Variants in IDH3A observed in about 807,000 individuals in gnomAD.
IDH3A encodes the protein isocitrate dehydrogenase (NAD(+)) 3 catalytic subunit alpha.
Under a neutral mutation model 43.3 loss-of-function variants are expected in IDH3A, and 23 were observed. The ratio of observed to expected loss-of-function variants is 0.53; its 90% CI spans 0.38 to 0.75. The LOEUF (loss-of-function observed/expected upper bound fraction) is 0.75, where lower values mean the gene tolerates loss of function less well. Ranked by LOEUF, IDH3A falls within the 30% of genes least tolerant of loss-of-function variation. IDH3A has a pLI of 0.00. For synonymous variants in IDH3A, 154 were observed against 163.5 expected, an observed-to-expected ratio of 0.94 and a Z score of 0.44; for missense variants, 329 against 474.4, an observed-to-expected ratio of 0.69 and a Z score of 2.85.
At chr15:78,152,199 C>T (rs1008425674) in intron 1 of IDH3A, among the ~76,000 whole-genome samples, 1 of 151,244 alleles carries the variant, frequency 6.6e-6, no homozygotes, top group African/African-American at 2.4e-5. Flanking sequence ...GCTGGGATTA[C>T]AGGCACCCAC....
rs1382947732 is a variant in IDH3A, at chr15:78,159,496, A to AT, written c.175-594dup. 2.6e-5 allele frequency among the ~76,000 whole-genome samples: 4 copies of AT among 152,330 alleles called. No individual in the cohort carries two copies. The East Asian group carries it at 7.7e-4, about 29-fold the overall frequency. On this transcript the variant is annotated intron_variant, in intron 3 of 10. Coordinates refer to ENST00000299518, the MANE Select transcript of IDH3A (RefSeq NM_005530.3). ...ACTATATGATGTTTCTGTGAACCAT[A>AT]TTCCTCTGCTACTTATGATATTCTA...
intron 10 of IDH3A, 152 bp downstream of exon 10, chr15:78,166,454 A>G: frequency 1.3e-6 from 1 of 788,330 alleles, no homozygotes; most frequent in Non-Finnish European, 2.2e-6. Context: ...CCCAGATTGA[A>G]CAGGGTATGT....
intron 1 of IDH3A, among the ~76,000 whole-genome samples, chr15:78,149,650 C>T (rs1262239328): frequency 6.6e-6 from 1 of 152,178 alleles, no homozygotes; most frequent in East Asian, 1.9e-4. Context: ...AGCGCAGAGG[C>T]GGGGACGGCG....
At chr15:78,163,804 A>G (rs763843143) in intron 8 of IDH3A, 24 bp downstream of exon 8, 1 of 1,490,002 alleles carries the variant, frequency 6.7e-7, no homozygotes, top group South Asian at 1.1e-5. Flanking sequence ...CAACCTATTT[A>G]TTTTAGCCTA....
chr15:78,166,874 C>T (rs184441870), intron 10 of IDH3A, among the ~76,000 whole-genome samples: 5 of 151,314 alleles, frequency 3.3e-5, no homozygotes, highest in Admixed American at 3.3e-4. Context: ...TCAAGTGATC[C>T]TCCCGCCCCA....
Position 78,171,174 on chromosome 15 carries a change from C to T in IDH3A, c.*2169C>T, listed in dbSNP as rs1456202399. 4.1e-5 allele frequency: 12 copies of T among 289,970 alleles called. No individual in the cohort carries two copies. Among genetic ancestry groups the T allele is most frequent in the African/African-American group, 8.7e-5 (4 of 46,092 alleles). 18.0% of individuals were successfully genotyped at this position (289,970 alleles called of 1,614,324 possible). A position where few individuals can be genotyped will look rare whatever the true frequency, so the allele number is the denominator to read the frequency against. On this transcript the variant is annotated 3_prime_UTR_variant, in exon 11 of 11. Coordinates refer to ENST00000299518, the MANE Select transcript of IDH3A (RefSeq NM_005530.3). Reference sequence around the variant, plus strand: ...TAAGGCCAAAAATTATCAGCCCTTTCGTTCTGGAAGGAGAGCTGATCTCAT... The same window carrying T: ...TAAGGCCAAAAATTATCAGCCCTTTTGTTCTGGAAGGAGAGCTGATCTCAT...
Position 78,169,219 on chromosome 15 carries a change from TTAAG to T in IDH3A, c.*216_*219del. ...TTTTTCCAAGTGCTTGTTTTATTTA[TTAAG>T]TGTCTACCTGGTAAATGTTTTTTTT... is the stretch of plus-strand genomic sequence containing the variant. On this transcript the variant is annotated 3_prime_UTR_variant, in exon 11 of 11. Coordinates refer to ENST00000299518, the MANE Select transcript of IDH3A (RefSeq NM_005530.3). 3 of 374,080 alleles carry T rather than the reference TTAAG, an allele frequency of 8.0e-6. No homozygotes were observed. The highest frequency in any genetic ancestry group is 4.8e-6 in the Non-Finnish European group (1 of 208,320). 23.2% of individuals were successfully genotyped at this position (374,080 alleles called of 1,614,324 possible).
Position 78,171,024 on chromosome 15 carries a change from G to C in IDH3A, c.*2019G>C, listed in dbSNP as rs2074814985. 1 of 155,774 alleles carries C rather than the reference G, an allele frequency of 6.4e-6. No homozygotes were observed. 9.6% of individuals were successfully genotyped at this position (155,774 alleles called of 1,614,324 possible). A position where few individuals can be genotyped will look rare whatever the true frequency, so the allele number is the denominator to read the frequency against. On this transcript the variant is annotated 3_prime_UTR_variant, in exon 11 of 11. Transcript: ENST00000299518. ...CAGAGTAAGTCAGGTCGCTAGGTGA[G>C]TTGTGACTGATTGCTTTTCCTGCAG...
At chr15:78,167,106 A>G (rs1467869228) in intron 10 of IDH3A, among the ~76,000 whole-genome samples, 1 of 152,244 alleles carries the variant, frequency 6.6e-6, no homozygotes, top group Non-Finnish European at 1.5e-5. Context: ...ATAGTCTTAT[A>G]TGTTACACTG....
At position 78,157,534 on chromosome 15, in the gene IDH3A, T is replaced by C; in HGVS notation, c.91-14T>C. ...AAATTCTTACTGTCTTCTTTGATGA[T>C]TTCTTATGTTCAGGTTCAGACAGTA... is the stretch of plus-strand genomic sequence containing the variant. On this transcript the variant is annotated splice_polypyrimidine_tract_variant and intron_variant, in intron 2 of 10. Transcript: ENST00000299518. 6.4e-7 allele frequency: 1 copy of C among 1,570,842 alleles called. No homozygotes were observed. The highest frequency in any genetic ancestry group is 8.7e-7 in the Non-Finnish European group (1 of 1,154,840).
chr15:78,163,814 A>G, intron 8 of IDH3A, 34 bp downstream of exon 8: 1 of 1,359,356 alleles, frequency 7.4e-7, no homozygotes. Flanking sequence ...ATTTTAGCCT[A>G]TGATTTACTT....
At position 78,170,982 on chromosome 15, in the gene IDH3A, G is replaced by A. The variant is rs561481991; in HGVS notation, c.*1977G>A. 8.1e-4 allele frequency: 125 copies of A among 153,760 alleles called. 2 individuals carry two copies. Among genetic ancestry groups the A allele is most frequent in the Non-Finnish European group, 1.5e-3 (105 of 68,722 alleles). The allele number at this position is 153,760 out of a possible 1,614,324, so 9.5% of individuals were successfully genotyped here. A position where few individuals can be genotyped will look rare whatever the true frequency, so the allele number is the denominator to read the frequency against. Reference sequence around the variant, plus strand: ...CTGGTAATGGAATAATAGGGTCGGCGATGCCCGCCAAGATTCCAGAGTAAG... The same window carrying A: ...CTGGTAATGGAATAATAGGGTCGGCAATGCCCGCCAAGATTCCAGAGTAAG... On this transcript the variant is annotated 3_prime_UTR_variant, in exon 11 of 11. Coordinates refer to ENST00000299518, the MANE Select transcript of IDH3A (RefSeq NM_005530.3).
chr15:78,149,513 G>A, intron 1 of IDH3A, 83 bp downstream of exon 1: 1 of 1,257,998 alleles, frequency 7.9e-7, no homozygotes, highest in Non-Finnish European at 1.1e-6. Flanking sequence ...GGGTGTGGGC[G>A]GGCGCGTGGG....
chr15:78,160,753 C>T (rs1204196690), intron 4 of IDH3A, among the ~76,000 whole-genome samples: 1 of 152,196 alleles, frequency 6.6e-6, no homozygotes, highest in Non-Finnish European at 1.5e-5. Flanking sequence ...CTCTGCCTCC[C>T]AAAGTGCTGG....
chr15:78,171,610 G>T lies in IDH3A; in HGVS notation c.*2605G>T. On this transcript the variant is annotated 3_prime_UTR_variant, in exon 11 of 11. Coordinates refer to ENST00000299518, the MANE Select transcript of IDH3A (RefSeq NM_005530.3). Reference sequence around the variant, plus strand: ...TGTGTGTGGTAAAGACTCACACTCAGTCCTATATATAACTCAGGAATTAAG... The same window carrying T: ...TGTGTGTGGTAAAGACTCACACTCATTCCTATATATAACTCAGGAATTAAG... The T allele has an allele frequency of 8.6e-7, 1 of 1,163,744 alleles. No individual in the cohort carries two copies. Among genetic ancestry groups the T allele is most frequent in the Non-Finnish European group, 1.3e-6 (1 of 780,420 alleles). 72.1% of individuals were successfully genotyped at this position (1,163,744 alleles called of 1,614,324 possible).
At chr15:78,166,060 G>A in intron 9 of IDH3A, 90 bp from the exon 10 acceptor site, 2 of 1,216,960 alleles carry the variant, frequency 1.6e-6, no homozygotes, top group Non-Finnish European at 2.4e-6. Context: ...TTGTATTGCT[G>A]AGGAAAGATG....
In IDH3A at chr15:78,161,654, C is replaced by A; in HGVS notation, c.363C>A (p.Tyr121Ter). 6.2e-7 allele frequency: 1 copy of A among 1,614,164 alleles called. No homozygotes were observed. Among genetic ancestry groups the A allele is most frequent in the Non-Finnish European group, 8.5e-7 (1 of 1,180,006 alleles). ...TGCTGCGCAAAACATTTGACCTTTA[C>A]GCGAATGTCCGACCATGTGTCTCTA... The part of the protein sequence containing the change: ...NLLLRKTFDL[Y>*]ANVRPCVSIE... Residue 121 changes from tyrosine (Y) to a stop codon, truncating the protein, a stop_gained, in exon 5 of 11, where the codon TAC becomes TAA. Coordinates refer to ENST00000299518, the MANE Select transcript of IDH3A (RefSeq NM_005530.3). LOFTEE classifies it high-confidence loss of function. This position sits in a 1 kb window ranked among gnomAD's most constrained non-coding sequence, Gnocchi z 4.8.
intron 1 of IDH3A, among the ~76,000 whole-genome samples, chr15:78,150,396 C>A (rs1317129065): frequency 1.3e-5 from 2 of 152,172 alleles, no homozygotes; most frequent in African/African-American, 4.8e-5. Context: ...AAAGGGTGGT[C>A]CCCTAGAAAT....
chr15:78,170,128 C>G lies in IDH3A; in HGVS notation c.*1123C>G, dbSNP rs973349039. 4 of 152,224 alleles carry G rather than the reference C, an allele frequency of 2.6e-5. No individual in the cohort carries two copies. Among genetic ancestry groups the G allele is most frequent in the Admixed American group, 1.3e-4 (2 of 15,278 alleles). The allele number at this position is 152,224 out of a possible 1,614,324, so 9.4% of individuals were successfully genotyped here. A position where few individuals can be genotyped will look rare whatever the true frequency, so the allele number is the denominator to read the frequency against. ...TGCCATGCTGGGGCTTGAGCTTGAG[C>G]TTGGGCTTAGGCTTGGGCTCAGCTT... is the stretch of plus-strand genomic sequence containing the variant. On this transcript the variant is annotated 3_prime_UTR_variant, in exon 11 of 11. Transcript: ENST00000299518.
Sources: gnomAD v4.1 joint callset for allele counts (sites outside exome capture counted in the v4.1 genomes callset) on GRCh38, gnomAD v4.1.1 for gene constraint, Gnocchi (gnomAD v3.1) non-coding constraint, MANE v1.5 for transcripts, NCBI Gene and HGNC (gene_info 2026-07-23, HGNC 2026-07-21) for gene names.